C2orf69: variants seen among roughly 807,000 people sequenced by gnomAD.
The protein encoded by C2orf69 is chromosome 2 open reading frame 69, also known as mitochondrial protein C2orf69.
Under a neutral mutation model 29.5 loss-of-function variants are expected in C2orf69, and 19 were observed. The observed-to-expected ratio is 0.65, with a 90% confidence interval of 0.45 to 0.95. C2orf69 has a LOEUF of 0.95. C2orf69 is among the 40% of genes least tolerant of loss of function. The pLI, the probability that C2orf69 is intolerant of heterozygous loss-of-function variation, is 0.00. For missense variants in C2orf69, 416 were observed against 482.1 expected (o/e 0.86, Z 1.28); for synonymous variants, 194 against 180.0 (o/e 1.08, Z -0.62).
intron 1 of C2orf69, among the ~76,000 whole-genome samples, chr2:199,917,743 C>G (rs2077298922): frequency 6.6e-6 from 1 of 152,226 alleles, no homozygotes; most frequent in African/African-American, 2.4e-5. Flanking sequence ...CTGTTCCAAC[C>G]TCTGCCTGTT....
chr2:199,913,396 A>AT, intron 1 of C2orf69, among the ~76,000 whole-genome samples: 1 of 76,724 alleles, frequency 1.3e-5, no homozygotes, highest in South Asian at 3.7e-4. Context: ...ATAATAACAT[A>AT]TATTATATAT....
intron 1 of C2orf69, among the ~76,000 whole-genome samples, chr2:199,914,849 C>T (rs894170303): frequency 6.6e-6 from 1 of 152,178 alleles, no homozygotes; most frequent in African/African-American, 2.4e-5. Context: ...CTCTCTGAGG[C>T]CTTTTCTGAC....
In C2orf69 at chr2:199,925,146, C is replaced by T; in HGVS notation, c.418C>T (p.His140Tyr). 1 of 1,612,922 alleles carries T rather than the reference C, an allele frequency of 6.2e-7. No individual in the cohort carries two copies. The highest frequency in any genetic ancestry group is 8.5e-7 in the Non-Finnish European group (1 of 1,179,224). ...AGAAAATGTTGCTACCATTTTAGCC[C>T]ACCGGTTCCCCAATAGTTATATTTG... is the stretch of plus-strand genomic sequence containing the variant. ...SLENVATILA[H>Y]RFPNSYIWVI... is the part of the protein sequence containing the mutation. Residue 140 changes from histidine (H) to tyrosine (Y), a missense_variant, in exon 2 of 2, where the codon CAC becomes TAC. Transcript: ENST00000319974. The surrounding 1 kb of genome is among the most constrained non-coding windows in gnomAD (Gnocchi z 4.9).
chr2:199,924,347 C>A (rs2077328090), intron 1 of C2orf69, among the ~76,000 whole-genome samples: 1 of 152,164 alleles, frequency 6.6e-6, no homozygotes, highest in African/African-American at 2.4e-5. Flanking sequence ...GTCAAGGCTG[C>A]AGTGAGCCAT....
At chr2:199,924,576 A>G (rs1202924412) in intron 1 of C2orf69, among the ~76,000 whole-genome samples, 24 of 152,350 alleles carry the variant, frequency 1.6e-4, no homozygotes, top group Non-Finnish European at 1.5e-5. Context: ...TGTGTATAAT[A>G]CTAAATCTGA....
At chr2:199,923,459 CCAGTT>C (rs747844034) in intron 1 of C2orf69, among the ~76,000 whole-genome samples, 4 of 151,952 alleles carry the variant, frequency 2.6e-5, no homozygotes, top group Non-Finnish European at 2.9e-5. Flanking sequence ...TAACGGATAC[CCAGTT>C]CAGTTAATGG....
intron 1 of C2orf69, among the ~76,000 whole-genome samples, chr2:199,920,631 T>C (rs1307753367): frequency 2.6e-5 from 4 of 152,028 alleles, no homozygotes; most frequent in African/African-American, 9.7e-5. Flanking sequence ...TATAAAATAA[T>C]TGTGCAGAAA....
rs980418375 is a variant in C2orf69, at chr2:199,926,315, A to G, written c.*429A>G. 1.2e-5 allele frequency: 2 copies of G among 161,710 alleles called. No individual in the cohort carries two copies. The highest frequency in any genetic ancestry group is 4.8e-5 in the African/African-American group (2 of 41,568). 10.0% of individuals were successfully genotyped at this position (161,710 alleles called of 1,614,324 possible). A position where few individuals can be genotyped will look rare whatever the true frequency, so the allele number is the denominator to read the frequency against. ...TTTTCATTTCTCTTCAAACAAAAGCAAAGGTACGATGCTGTTTTCTATCAT... is the reference window on the plus strand; with the variant it reads ...TTTTCATTTCTCTTCAAACAAAAGCGAAGGTACGATGCTGTTTTCTATCAT... On this transcript the variant is annotated 3_prime_UTR_variant, in exon 2 of 2. Transcript: ENST00000319974.
intron 1 of C2orf69, among the ~76,000 whole-genome samples, chr2:199,918,477 T>G (rs1469791236): frequency 6.6e-6 from 1 of 152,288 alleles, no homozygotes; most frequent in South Asian, 2.1e-4. Flanking sequence ...TTCTTGTGCC[T>G]CAGCCTCCTG....
intron 1 of C2orf69, among the ~76,000 whole-genome samples, chr2:199,912,786 A>G (rs1228569020): frequency 6.6e-6 from 1 of 152,018 alleles, no homozygotes; most frequent in Non-Finnish European, 1.5e-5. Flanking sequence ...GATTACAGGC[A>G]TGCGCTACCA....
rs576574931 is a variant in C2orf69 at position 199,924,820 on chromosome 2, C to G, written c.334-242C>G. Among the ~76,000 whole-genome samples, 36 of 152,148 alleles carry G rather than the reference C, an allele frequency of 2.4e-4. No homozygotes were observed. In the South Asian group the frequency reaches 7.5e-3, roughly 32 times the overall value. On this transcript the variant is annotated intron_variant, in intron 1 of 1. Transcript: ENST00000319974. ...AATTTTTAAAAACTTTTTACTGTTT[C>G]ATGTAGGTATAACTTACTTCCTTGT...
rs987752406 is a variant in C2orf69 at position 199,925,379 on chromosome 2, T to C, written c.651T>C (p.Ser217=). 8 of 1,613,672 alleles carry C rather than the reference T, an allele frequency of 5.0e-6. No homozygotes were observed. Among genetic ancestry groups the C allele is most frequent in the Admixed American group, 1.7e-5 (1 of 59,988 alleles). The part of the protein sequence containing the change: ...LNVWNKDSIA[S]NCRSSPSHTT... ...TTTGGAATAAGGACTCCATAGCATC[T>C]AACTGTAGATCCAGTCCTTCTCATA... The change falls in exon 2 of 2, where the codon TCT becomes TCC. Residue 217 remains serine (S), a synonymous_variant. Coordinates refer to ENST00000319974, the MANE Select transcript of C2orf69 (RefSeq NM_153689.6). The surrounding 1 kb of genome is among the most constrained non-coding windows in gnomAD (Gnocchi z 4.9).
At position 199,925,420 on chromosome 2, in the gene C2orf69, A is replaced by G. The variant is rs748289116; in HGVS notation, c.692A>G (p.Gln231Arg). The G allele has an allele frequency of 1.9e-5, 31 of 1,613,868 alleles. No individual in the cohort carries two copies. In the South Asian group the frequency reaches 3.4e-4, roughly 18 times the overall value. Residue 231 changes from glutamine to arginine, a missense_variant, in exon 2 of 2, where the codon CAG becomes CGG. Around this residue, in one of 4 missense-constraint regions of C2orf69, gnomAD observed 225 missense variants for 307.3 expected, o/e 0.73. Coordinates refer to ENST00000319974, the MANE Select transcript of C2orf69 (RefSeq NM_153689.6). The surrounding 1 kb of genome is among the most constrained non-coding windows in gnomAD (Gnocchi z 4.9). ...SSPSHTTNGCQGEKVRTCEKS... is the reference protein window; with the variant it reads ...SSPSHTTNGCRGEKVRTCEKS... ...CCTTCTCATACTACGAATGGTTGCC[A>G]GGGAGAAAAAGTGAGGACCTGTGAA...
chr2:199,919,320 TCAG>T (rs2077305205), intron 1 of C2orf69, among the ~76,000 whole-genome samples: 1 of 152,234 alleles, frequency 6.6e-6, no homozygotes, highest in Admixed American at 6.5e-5. Context: ...GTTTATCCAT[TCAG>T]CAGTTCATAA....
intron 1 of C2orf69, among the ~76,000 whole-genome samples, chr2:199,920,080 A>C (rs2077310105): frequency 6.6e-6 from 1 of 152,098 alleles, no homozygotes; most frequent in Non-Finnish European, 1.5e-5. Flanking sequence ...TTCACCCCTT[A>C]CCTCTTATGG....
chr2:199,911,632 C>T lies in C2orf69; in HGVS notation c.194C>T (p.Pro65Leu), dbSNP rs1020542975. The T allele has an allele frequency of 8.4e-6, 13 of 1,549,426 alleles. No individual in the cohort carries two copies. In the South Asian group the frequency reaches 1.2e-4, roughly 14 times the overall value. ...CTTTCCACCGTGCCTGGAGCCGATC[C>T]GCAGCGCAGCAACGAATTGCTCCTG... The part of the protein sequence containing the change: ...LQLSTVPGAD[P>L]QRSNELLLLA... The change falls in exon 1 of 2, where the codon CCG becomes CTG. Residue 65 changes from proline to leucine, a missense_variant. Physicochemically the swap from Pro to Leu is moderately conservative, Grantham distance 98. Transcript: ENST00000319974.
rs369650425 is a variant in C2orf69, at chr2:199,927,308, T to TGA, written c.*1422_*1423insGA. The TGA allele has an allele frequency of 8.7e-6, 1 of 115,504 alleles. No homozygotes were observed. Among genetic ancestry groups the TGA allele is most frequent in the South Asian group, 2.9e-4 (1 of 3,490 alleles). The allele number at this position is 115,504 out of a possible 1,614,324, so 7.2% of individuals were successfully genotyped here. A position where few individuals can be genotyped will look rare whatever the true frequency, so the allele number is the denominator to read the frequency against. On this transcript the variant is annotated 3_prime_UTR_variant, in exon 2 of 2. Transcript: ENST00000319974. ...GGGAAGTAACATGCTGCTTTAGGAC[T>TGA]AAAAAAAAAAAAAAAAAAAAGACAC... is the stretch of plus-strand genomic sequence containing the variant.
At chr2:199,915,732 G>A (rs535507644) in intron 1 of C2orf69, among the ~76,000 whole-genome samples, 254 of 152,066 alleles carry the variant, frequency 1.7e-3, no homozygotes, top group Admixed American at 3.0e-3. Context: ...GACCAGGCTG[G>A]TCTCAAACTC....
chr2:199,925,881 T>C lies in C2orf69; in HGVS notation c.1153T>C (p.Phe385Leu), dbSNP rs745903850. ...GAATCACTTCAGGGTTCATGAAGTA[T>C]TTTGAGATTACAGGTATATTAATGA... ...IENHFRVHEVF is the reference protein window; with the variant it reads ...IENHFRVHEVL Residue 385 changes from phenylalanine (F) to leucine (L), a missense_variant, in exon 2 of 2, where the codon TTT (phenylalanine) becomes CTT (leucine). By Grantham distance (22) the Phe-to-Leu change is conservative (BLOSUM62 0). Around this residue, in one of 4 missense-constraint regions of C2orf69, gnomAD observed 14 missense variants for 16.6 expected, o/e 0.84. Transcript: ENST00000319974. This position sits in a 1 kb window ranked among gnomAD's most constrained non-coding sequence, Gnocchi z 4.9. The C allele has an allele frequency of 1.2e-6, 2 of 1,600,266 alleles. No individual in the cohort carries two copies. The highest frequency in any genetic ancestry group is 2.7e-5 in the African/African-American group (2 of 74,546).
Sources: gnomAD v4.1 joint callset for allele counts (sites outside exome capture counted in the v4.1 genomes callset) on GRCh38, gnomAD v4.1.1 for gene constraint, gnomAD v4.1.1 regional missense constraint, Gnocchi (gnomAD v3.1) non-coding constraint, MANE v1.5 for transcripts, NCBI Gene and HGNC (gene_info 2026-07-23, HGNC 2026-07-21) for gene names.